DOP1B: variants seen among roughly 807,000 people sequenced by gnomAD.
The protein encoded by DOP1B is protein DOP1B.
A neutral mutation model predicts 233.5 loss-of-function variants in DOP1B; 174 were observed. That is an observed-to-expected ratio of 0.75 (90% CI 0.66 to 0.85). The LOEUF (loss-of-function observed/expected upper bound fraction) is 0.85, where lower values mean the gene tolerates loss of function less well. DOP1B is among the 40% of genes least tolerant of loss of function. The probability of loss-of-function intolerance (pLI) is 0.00; values close to 1 mark genes in which losing one functional copy is unlikely to be tolerated. For missense variants in DOP1B, 2,652 were observed against 2,846.6 expected (o/e 0.93, Z 1.56); for synonymous variants, 1,190 against 1,185.6 (o/e 1.00, Z -0.08).
chr21:36,208,941 G>A (rs1300436145), intron 5 of DOP1B, 37 bp downstream of exon 5: 2 of 1,471,418 alleles, frequency 1.4e-6, no homozygotes, highest in Non-Finnish European at 9.0e-7. Context: ...TGGGGAGGAG[G>A]CGACATGTGG....
intron 2 of DOP1B, among the ~76,000 whole-genome samples, chr21:36,189,576 G>C (rs1418916089): frequency 6.6e-6 from 1 of 152,044 alleles, no homozygotes; most frequent in African/African-American, 2.4e-5. Flanking sequence ...TGGGCGTGCT[G>C]GTGCACGCCT....
At chr21:36,232,309 G>A (rs2066777173) in intron 14 of DOP1B, among the ~76,000 whole-genome samples, 1 of 152,174 alleles carries the variant, frequency 6.6e-6, no homozygotes, top group Non-Finnish European at 1.5e-5. Context: ...GTTTGCTAGG[G>A]CTCCTCTAAC....
chr21:36,257,958 TGTAG>T (rs1300360950), intron 23 of DOP1B, among the ~76,000 whole-genome samples: 2 of 93,866 alleles, frequency 2.1e-5, no homozygotes, highest in Admixed American at 9.8e-5. Flanking sequence ...TGTAGGTAGA[TGTAG>T]GTAGGTAGGT....
intron 26 of DOP1B, among the ~76,000 whole-genome samples, chr21:36,268,542 A>G (rs2067254280): frequency 6.6e-6 from 1 of 152,222 alleles, no homozygotes; most frequent in Non-Finnish European, 1.5e-5. Flanking sequence ...CAGCTTATGA[A>G]GATAACAGGA....
intron 20 of DOP1B, among the ~76,000 whole-genome samples, chr21:36,247,833 G>A (rs1468051943): frequency 1.3e-5 from 2 of 152,224 alleles, no homozygotes; most frequent in African/African-American, 4.8e-5. Flanking sequence ...AAGTGCCTAC[G>A]CAAATGCATA....
At position 36,245,562 on chromosome 21, in the gene DOP1B, C is replaced by T. The variant is rs1362729962; in HGVS notation, c.3582C>T (p.Ser1194=). The T allele has an allele frequency of 6.8e-6, 11 of 1,613,398 alleles. No individual in the cohort carries two copies. The highest frequency in any genetic ancestry group is 5.0e-5 in the Admixed American group (3 of 60,024). ...CGCAGGCTTCTGAGTCGTTCTCCAGCGACGAGGAGGCGGACTTGGAGCTCC... is the reference window on the plus strand; with the variant it reads ...CGCAGGCTTCTGAGTCGTTCTCCAGTGACGAGGAGGCGGACTTGGAGCTCC... ...DKTQASESFS[S]DEEADLELQA... Residue 1194 remains serine (S), a synonymous_variant, in exon 19 of 37, where the codon AGC becomes AGT. Coordinates refer to ENST00000691173, the MANE Select transcript of DOP1B (RefSeq NM_001320714.2). This position sits in a 1 kb window ranked among gnomAD's most constrained non-coding sequence, Gnocchi z 5.5.
At position 36,199,065 on chromosome 21, in the gene DOP1B, G is replaced by GAA; in HGVS notation, c.139-4_139-3insAA. ...CTCATGTGTTTTTTTTGTCTTGTTT[G>GAA]ACAGGCTCTTCAGAGTAACCTGAGG... On this transcript the variant is annotated splice_region_variant and splice_polypyrimidine_tract_variant and intron_variant, in intron 2 of 36. Coordinates refer to ENST00000691173, the MANE Select transcript of DOP1B (RefSeq NM_001320714.2). 3 of 1,599,560 alleles carry GAA rather than the reference G, an allele frequency of 1.9e-6. No homozygotes were observed. Among genetic ancestry groups the GAA allele is most frequent in the Non-Finnish European group, 2.6e-6 (3 of 1,175,242 alleles).
At chr21:36,256,617 C>T (rs576894471) in intron 23 of DOP1B, among the ~76,000 whole-genome samples, 43 of 152,206 alleles carry the variant, frequency 2.8e-4, no homozygotes, top group Non-Finnish European at 5.4e-4. Context: ...GTGCGTGCAG[C>T]GCGTTAGTAC....
intron 12 of DOP1B, among the ~76,000 whole-genome samples, chr21:36,226,384 G>A (rs1321821391): frequency 7.0e-6 from 1 of 142,420 alleles, no homozygotes; most frequent in Non-Finnish European, 1.5e-5. Context: ...TGCAACCTCC[G>A]CCTCTGGGGT....
chr21:36,188,410 C>G (rs1164568551), intron 2 of DOP1B, among the ~76,000 whole-genome samples: 1 of 152,196 alleles, frequency 6.6e-6, no homozygotes, highest in African/African-American at 2.4e-5. Context: ...GGCAAAGCAA[C>G]CGGGTCATGC....
chr21:36,183,027 T>A (rs1053120674), intron 2 of DOP1B, among the ~76,000 whole-genome samples: 5 of 152,146 alleles, frequency 3.3e-5, no homozygotes, highest in African/African-American at 9.7e-5. Context: ...TAGGATGTTT[T>A]CTTTTGTTTA....
intron 14 of DOP1B, 133 bp downstream of exon 14, chr21:36,231,267 G>A (rs2066761980): frequency 8.3e-7 from 1 of 1,208,786 alleles, no homozygotes; most frequent in Non-Finnish European, 1.1e-6. Context: ...CAGATTTTTG[G>A]AATATTTGCC....
intron 26 of DOP1B, among the ~76,000 whole-genome samples, chr21:36,264,915 G>A (rs995631924): frequency 6.6e-6 from 1 of 152,186 alleles, no homozygotes; most frequent in Non-Finnish European, 1.5e-5. Flanking sequence ...TAATAAATAC[G>A]GAAGTTATGA....
chr21:36,236,405 C>G (rs1306680394), intron 15 of DOP1B, among the ~76,000 whole-genome samples: 1 of 152,250 alleles, frequency 6.6e-6, no homozygotes, highest in East Asian at 1.9e-4. Flanking sequence ...GGAATTAAAG[C>G]TGGTAGGCGT....
At chr21:36,198,019 CA>C (rs59815539) in intron 2 of DOP1B, among the ~76,000 whole-genome samples, 301 of 108,328 alleles carry the variant, frequency 2.8e-3, no homozygotes, top group African/African-American at 4.1e-3. Flanking sequence ...GACTCCGTCT[CA>C]AAAAAAAAAA....
At chr21:36,226,861 T>TG (rs2066689760) in intron 12 of DOP1B, among the ~76,000 whole-genome samples, 2 of 152,316 alleles carry the variant, frequency 1.3e-5, no homozygotes, top group African/African-American at 4.8e-5. Context: ...CCCAAGGTGC[T>TG]GGCTGGGATT....
Position 36,246,779 on chromosome 21 carries a change from A to C in DOP1B, c.4697+102A>C. On this transcript the variant is annotated intron_variant, in intron 19 of 36. Transcript: ENST00000691173. This position sits in a 1 kb window ranked among gnomAD's most constrained non-coding sequence, Gnocchi z 5.1. The stretch of plus-strand genomic sequence containing the variant: ...TGGATGTCGGTTGGAGGATAATTTC[A>C]TCCCAATGAGAAGCCTGTTTAGCAT... 1.4e-5 allele frequency: 19 copies of C among 1,404,752 alleles called. No homozygotes were observed. Among genetic ancestry groups the C allele is most frequent in the Non-Finnish European group, 1.5e-5 (16 of 1,042,014 alleles). 87.0% of individuals were successfully genotyped at this position (1,404,752 alleles called of 1,614,324 possible).
intron 23 of DOP1B, among the ~76,000 whole-genome samples, chr21:36,254,920 G>A (rs1297321956): frequency 6.7e-6 from 1 of 149,330 alleles, no homozygotes; most frequent in Non-Finnish European, 1.5e-5. Flanking sequence ...GAGAGTCTTT[G>A]TCAAGGGCAA....
intron 2 of DOP1B, among the ~76,000 whole-genome samples, chr21:36,176,097 C>CATGTGTGTGTGT (rs1555886144): frequency 2.0e-4 from 28 of 141,848 alleles, no homozygotes; most frequent in Admixed American, 3.5e-4. Context: ...GGTGTGTGTG[C>CATGTGTGTGTGT]GTGTGTGTGT....
Sources: gnomAD v4.1 joint callset for allele counts (sites outside exome capture counted in the v4.1 genomes callset) on GRCh38, gnomAD v4.1.1 for gene constraint, Gnocchi (gnomAD v3.1) non-coding constraint, MANE v1.5 for transcripts, NCBI Gene and HGNC (gene_info 2026-07-23, HGNC 2026-07-21) for gene names.